Variants in PRLR observed in about 807,000 individuals in gnomAD.
PRLR encodes the protein prolactin receptor, also known as hPRL receptor.
In PRLR, 13 loss-of-function variants were observed where a neutral mutation model predicts 40.2. The observed-to-expected ratio is 0.32, with a 90% CI of 0.21 to 0.51. The LOEUF (loss-of-function observed/expected upper bound fraction) is 0.51. PRLR is among the 20% of genes least tolerant of loss of function. The pLI is 0.97. For missense variants in PRLR, 656 were observed against 747.3 expected (o/e 0.88, Z 1.42); for synonymous variants, 269 against 278.7 (o/e 0.97, Z 0.35).
intron 1 of PRLR, among the ~76,000 whole-genome samples, chr5:35,211,139 G>A (rs969715262): frequency 4.6e-5 from 7 of 152,184 alleles, no homozygotes; most frequent in African/African-American, 1.7e-4. Context: ...AAAGAATTAC[G>A]GAATGCATTT....
At chr5:35,109,752 C>T (rs988555648) in intron 2 of PRLR, among the ~76,000 whole-genome samples, 1 of 152,142 alleles carries the variant, frequency 6.6e-6, no homozygotes, top group African/African-American at 2.4e-5. Context: ...AATAGGAACA[C>T]TTTTACACTA....
At chr5:35,174,964 G>A (rs962773142) in intron 1 of PRLR, among the ~76,000 whole-genome samples, 57 of 152,224 alleles carry the variant, frequency 3.7e-4, no homozygotes, top group African/African-American at 1.3e-3. Flanking sequence ...CTCAGATCAT[G>A]TTAGGTATAA....
intron 1 of PRLR, 62 bp from the exon 2 acceptor site, chr5:35,118,184 C>T (rs1007774929): frequency 1.2e-6 from 1 of 861,340 alleles, no homozygotes; most frequent in African/African-American, 1.8e-5. Flanking sequence ...CCATTTCTGG[C>T]TCACTCTGCA....
intron 1 of PRLR, among the ~76,000 whole-genome samples, chr5:35,168,005 A>G (rs2111931497): frequency 6.6e-6 from 1 of 152,170 alleles, no homozygotes; most frequent in East Asian, 1.9e-4. Context: ...GAAGGTTGAA[A>G]ATAAAGATAT....
Position 35,226,089 on chromosome 5 carries a change from G to A in PRLR, c.-106+4179C>T, listed in dbSNP as rs370988579. On this transcript the variant is annotated intron_variant, in intron 1 of 9. Coordinates refer to ENST00000618457, the MANE Select transcript of PRLR (RefSeq NM_000949.7). ...ATAGCCACATTTCAAGTGCTCAATA[G>A]GCACATGTGGCTAGTGGCTACTGTA... Among the ~76,000 whole-genome samples the A allele has an allele frequency of 2.8e-4, 43 of 152,342 alleles. 1 individual carries two copies. In the South Asian group the frequency reaches 8.9e-3, roughly 32 times the overall value.
chr5:35,182,612 G>A (rs1436628611), intron 1 of PRLR, among the ~76,000 whole-genome samples: 1 of 152,036 alleles, frequency 6.6e-6, no homozygotes, highest in Non-Finnish European at 1.5e-5. Flanking sequence ...AAAACATTTT[G>A]CTCAACAGCA....
At chr5:35,229,473 G>A (rs1320246340) in intron 1 of PRLR, among the ~76,000 whole-genome samples, 1 of 152,156 alleles carries the variant, frequency 6.6e-6, no homozygotes, top group Non-Finnish European at 1.5e-5. Context: ...CAAAGAGCCA[G>A]AACTCCAGCC....
chr5:35,155,654 C>T (rs773192743), intron 1 of PRLR, among the ~76,000 whole-genome samples: 1 of 152,112 alleles, frequency 6.6e-6, no homozygotes, highest in Non-Finnish European at 1.5e-5. Flanking sequence ...ACCTTTAAGA[C>T]ATAGAAAGTG....
At position 35,065,917 on chromosome 5, in the gene PRLR, A is replaced by G; in HGVS notation, c.1041T>C (p.Thr347=). 1 of 1,614,154 alleles carries G rather than the reference A, an allele frequency of 6.2e-7. No homozygotes were observed. Among genetic ancestry groups the G allele is most frequent in the Non-Finnish European group, 8.5e-7 (1 of 1,180,024 alleles). ...TGTCACAGCTCCCCCGGCCTGAGTC[A>G]GTGTCAGGATCCAGGTATGTGGGTT... ...GMKPTYLDPD[T]DSGRGSCDSP... The change falls in exon 10 of 10, where the codon ACT becomes ACC. Residue 347 remains threonine, a synonymous_variant. Coordinates refer to ENST00000618457, the MANE Select transcript of PRLR (RefSeq NM_000949.7).
chr5:35,167,614 A>G (rs569046865), intron 1 of PRLR, among the ~76,000 whole-genome samples: 1 of 152,136 alleles, frequency 6.6e-6, no homozygotes, highest in Non-Finnish European at 1.5e-5. Context: ...GACTATTTAA[A>G]ACAACAATAA....
At chr5:35,125,308 C>A (rs752615715) in intron 1 of PRLR, among the ~76,000 whole-genome samples, 51 of 152,120 alleles carry the variant, frequency 3.4e-4, no homozygotes, top group Non-Finnish European at 6.0e-4. Flanking sequence ...AGGTGGCCAC[C>A]AGCAGTGGAC....
chr5:35,102,728 A>G (rs1009660448), intron 2 of PRLR, among the ~76,000 whole-genome samples: 5 of 152,050 alleles, frequency 3.3e-5, no homozygotes, highest in African/African-American at 1.2e-4. Flanking sequence ...TTTTTAGTAG[A>G]GATGGGGTTT....
chr5:35,141,610 A>AC (rs1774027723), intron 1 of PRLR, among the ~76,000 whole-genome samples: 1 of 152,224 alleles, frequency 6.6e-6, no homozygotes, highest in African/African-American at 2.4e-5. Context: ...GGCCATTTGA[A>AC]CAGACAGGTA....
chr5:35,176,081 C>A (rs895256609), intron 1 of PRLR, among the ~76,000 whole-genome samples: 5 of 152,032 alleles, frequency 3.3e-5, no homozygotes, highest in Non-Finnish European at 5.9e-5. Context: ...GCACATGCAG[C>A]CCCCATGTTT....
chr5:35,076,513 T>C (rs1770107000), intron 5 of PRLR, among the ~76,000 whole-genome samples: 1 of 151,964 alleles, frequency 6.6e-6, no homozygotes, highest in South Asian at 2.1e-4. Context: ...TAAAAAGAAA[T>C]GAACAAGGCC....
chr5:35,205,038 T>G (rs971847703), intron 1 of PRLR, among the ~76,000 whole-genome samples: 1 of 152,144 alleles, frequency 6.6e-6, no homozygotes, highest in Non-Finnish European at 1.5e-5. Flanking sequence ...AGAGAGTTCA[T>G]TATGTGTTTG....
At chr5:35,169,955 G>A (rs1265786892) in intron 1 of PRLR, among the ~76,000 whole-genome samples, 1 of 152,182 alleles carries the variant, frequency 6.6e-6, no homozygotes, top group African/African-American at 2.4e-5. Flanking sequence ...GTTTTCATAT[G>A]AGGCTCGGTC....
At chr5:35,116,609 T>C (rs191743721) in intron 2 of PRLR, among the ~76,000 whole-genome samples, 2 of 152,298 alleles carry the variant, frequency 1.3e-5, no homozygotes, top group Admixed American at 6.5e-5. Context: ...CTCCTTCATT[T>C]GCCTTTCCTT....
intron 2 of PRLR, among the ~76,000 whole-genome samples, chr5:35,105,963 G>A (rs1424187522): frequency 2.0e-5 from 3 of 152,172 alleles, no homozygotes; most frequent in African/African-American, 4.8e-5. Context: ...AAAATGTTAC[G>A]GGCAGCCAGA....
Sources: allele counts gnomAD v4.1 joint callset (sites outside exome capture counted in the v4.1 genomes callset), GRCh38; gene constraint gnomAD v4.1.1; transcripts MANE v1.5; gene names NCBI Gene and HGNC (gene_info 2026-07-23, HGNC 2026-07-21).